Variants in ELF1 observed in about 807,000 individuals in gnomAD.
The protein encoded by ELF1 is E74 like ETS transcription factor 1.
ELF1 carries 24 observed loss-of-function variants against 59.9 expected under a neutral mutation model. The observed-to-expected ratio is 0.40, with a 90% CI of 0.29 to 0.56. The LOEUF is 0.56. ELF1 is among the 20% of genes least tolerant of loss of function. The probability of loss-of-function intolerance (pLI) is 0.44; values close to 1 mark genes in which losing one functional copy is unlikely to be tolerated. For missense variants in ELF1, 627 were observed against 742.2 expected (o/e 0.84, Z 1.80); for synonymous variants, 248 against 266.2 (o/e 0.93, Z 0.67).
At chr13:41,039,273 T>C (rs1423688677) in intron 1 of ELF1, among the ~76,000 whole-genome samples, 1 of 145,846 alleles carries the variant, frequency 6.9e-6, no homozygotes, top group Non-Finnish European at 1.5e-5. Context: ...TTTTTAAAAT[T>C]ACCATAACCA....
At chr13:41,036,211 C>G (rs61962750) in intron 1 of ELF1, among the ~76,000 whole-genome samples, 1 of 151,502 alleles carries the variant, frequency 6.6e-6, no homozygotes, top group East Asian at 1.9e-4. Flanking sequence ...CCACCACAGC[C>G]GGCCAAAAAA....
rs187737390 is a variant in ELF1, at chr13:41,047,994, G to A, written c.-229+12844C>T. On this transcript the variant is annotated intron_variant, in intron 1 of 1. Coordinates refer to the ELF1 transcript ENST00000405737. ...AGCAATGGCGGGTGCCCCTTCCCCA[G>A]CCTCACTGCCACCTTGCAGTTCGAT... Among the ~76,000 whole-genome samples the A allele has an allele frequency of 2.9e-3, 445 of 152,306 alleles. 2 individuals carry two copies. Among genetic ancestry groups the A allele is most frequent in the African/African-American group, 9.9e-3 (411 of 41,574 alleles).
upstream of ELF1, chr13:41,019,386 C>A: frequency 1.0e-6 from 1 of 985,304 alleles, no homozygotes; most frequent in Non-Finnish European, 1.2e-6. Context: ...GGAGGCACGC[C>A]CATGTTGCTG....
At chr13:41,021,241 T>C (rs1482444940), upstream of ELF1, among the ~76,000 whole-genome samples, 2 of 152,232 alleles carry the variant, frequency 1.3e-5, no homozygotes, top group African/African-American at 4.8e-5. Context: ...TACTTAATAA[T>C]GGCAAATATT....
chr13:41,016,810 A>G (rs1322533471), intron 1 of ELF1, among the ~76,000 whole-genome samples: 2 of 145,120 alleles, frequency 1.4e-5, no homozygotes, highest in African/African-American at 2.6e-5. Flanking sequence ...GCTACTTGGG[A>G]GGCTGAGGCA....
chr13:40,992,079 TGAA>T (rs1449951031), intron 1 of ELF1, among the ~76,000 whole-genome samples: 1 of 152,364 alleles, frequency 6.6e-6, no homozygotes, highest in East Asian at 1.9e-4. Context: ...ATTATTGTGT[TGAA>T]GAACTCTGAT....
intron 1 of ELF1, chr13:40,992,983 C>G (rs1160353679): frequency 2.6e-6 from 3 of 1,135,594 alleles, no homozygotes; most frequent in Non-Finnish European, 4.0e-6. Flanking sequence ...TTTAAGTCTT[C>G]ACAGGCAATC....
intron 1 of ELF1, among the ~76,000 whole-genome samples, chr13:41,018,665 C>A (rs1875557198): frequency 6.6e-6 from 1 of 151,780 alleles, no homozygotes. Context: ...CATTGGGTTT[C>A]CAAAATGAAA....
chr13:40,932,871 G>T lies in ELF1; in HGVS notation c.*554C>A, dbSNP rs1243559115. On this transcript the variant is annotated 3_prime_UTR_variant, in exon 9 of 9. Transcript: ENST00000239882. The stretch of plus-strand genomic sequence containing the variant: ...TTATACTATCCTGCTTCTGAAACAG[G>T]GTCAGCCATACCACCAGCACCTCCA... The T allele has an allele frequency of 6.5e-6, 1 of 153,054 alleles. No homozygotes were observed. Among genetic ancestry groups the T allele is most frequent in the African/African-American group, 2.4e-5 (1 of 41,368 alleles). 9.5% of individuals were successfully genotyped at this position (153,054 alleles called of 1,614,324 possible).
At chr13:41,024,424 G>A (rs924396944) in intron 1 of ELF1, among the ~76,000 whole-genome samples, 3 of 152,132 alleles carry the variant, frequency 2.0e-5, no homozygotes, top group Non-Finnish European at 4.4e-5. Context: ...CTGCCTCCCA[G>A]GCGATCCTCC....
At chr13:41,033,676 G>A (rs376039014) in intron 1 of ELF1, among the ~76,000 whole-genome samples, 11 of 152,234 alleles carry the variant, frequency 7.2e-5, no homozygotes, top group South Asian at 6.2e-4. Context: ...TCTAGGTTAC[G>A]TGCTCCTTAT....
chr13:40,940,415 A>AC (rs1870074092), intron 8 of ELF1, among the ~76,000 whole-genome samples: 4 of 112,904 alleles, frequency 3.5e-5, no homozygotes, highest in Admixed American at 9.7e-5. Flanking sequence ...AAAAAAAAAA[A>AC]AAACAAACCT....
chr13:41,059,768 A>G (rs965217852), intron 1 of ELF1, among the ~76,000 whole-genome samples: 1 of 152,202 alleles, frequency 6.6e-6, no homozygotes, highest in Non-Finnish European at 1.5e-5. Flanking sequence ...TATATTTAAA[A>G]ATACAGTGAA....
At chr13:40,971,226 T>A (rs1407027919) in intron 2 of ELF1, among the ~76,000 whole-genome samples, 13 of 152,192 alleles carry the variant, frequency 8.5e-5, no homozygotes, top group Admixed American at 8.5e-4. Flanking sequence ...AAATGATCAC[T>A]GTATTAGACC....
At chr13:40,990,639 G>A (rs1257351695) in intron 1 of ELF1, among the ~76,000 whole-genome samples, 2 of 152,016 alleles carry the variant, frequency 1.3e-5, no homozygotes, top group East Asian at 1.9e-4. Context: ...TGGAATGCCT[G>A]AGCTCAGGAG....
chr13:41,006,316 A>G (rs1261102292), intron 1 of ELF1, among the ~76,000 whole-genome samples: 2 of 145,726 alleles, frequency 1.4e-5, no homozygotes, highest in African/African-American at 5.1e-5. Context: ...ATATCTAGGG[A>G]ATAAGGAGTA....
At chr13:41,056,009 C>T (rs1221632869) in intron 1 of ELF1, among the ~76,000 whole-genome samples, 2 of 152,090 alleles carry the variant, frequency 1.3e-5, no homozygotes, top group African/African-American at 4.8e-5. Context: ...AGAGTTTAGT[C>T]GAGATAAAAC....
intron 3 of ELF1, among the ~76,000 whole-genome samples, chr13:40,957,953 G>A (rs1871558457): frequency 6.6e-6 from 1 of 152,186 alleles, no homozygotes. Context: ...ACATGCTAAG[G>A]TAAAGCTGAG....
At chr13:40,954,433 C>CT (rs372812445) in intron 3 of ELF1, among the ~76,000 whole-genome samples, 2 of 64,562 alleles carry the variant, frequency 3.1e-5, no homozygotes, top group Non-Finnish European at 1.0e-4. Context: ...CTCCCTCTCC[C>CT]CACGGTCTCC....
Sources: allele counts gnomAD v4.1 joint callset (sites outside exome capture counted in the v4.1 genomes callset), GRCh38; gene constraint gnomAD v4.1.1; transcripts MANE v1.5; gene names NCBI Gene and HGNC (gene_info 2026-07-23, HGNC 2026-07-21).